ARHGAP8: variants seen among roughly 807,000 people sequenced by gnomAD.
The protein encoded by ARHGAP8 is Rho GTPase activating protein 8, also known as rho GTPase-activating protein 8.
A neutral mutation model predicts 46.1 loss-of-function variants in ARHGAP8; 62 were observed. That is an observed-to-expected ratio of 1.34 (90% CI 1.10 to 1.66). ARHGAP8 has a LOEUF of 1.66. Among genes scored for constraint, ARHGAP8 ranks in the 40% most tolerant of loss-of-function variants. The probability of loss-of-function intolerance (pLI) is 0.00; values close to 1 mark genes in which losing one functional copy is unlikely to be tolerated. For missense variants in ARHGAP8, 923 were observed against 568.4 expected, an observed-to-expected ratio of 1.62 and a Z score of -6.34; for synonymous variants, 375 against 243.1, an observed-to-expected ratio of 1.54 and a Z score of -5.05.
chr22:44,802,077 G>T lies in ARHGAP8; in HGVS notation c.80G>T (p.Gly27Val). ...VARHGILQVA[G>V]DDRFGRRVVT... Reference sequence around the variant, plus strand: ...GGCTCACCTGTGTCTGCTCCTCCAGGGGATGACCGCTTTGGAAGACGTGTT... The same window carrying T: ...GGCTCACCTGTGTCTGCTCCTCCAGTGGATGACCGCTTTGGAAGACGTGTT... Residue 27 changes from glycine to valine, a missense_variant and splice_region_variant, in exon 3 of 12, where the codon GGG becomes GTG. Physicochemically the swap from Gly to Val is moderately radical, Grantham distance 109. Coordinates refer to ENST00000356099, the MANE Select transcript of ARHGAP8 (RefSeq NM_181335.3). 6.2e-7 allele frequency: 1 copy of T among 1,614,124 alleles called. No homozygotes were observed. The highest frequency in any genetic ancestry group is 1.1e-5 in the South Asian group (1 of 91,078).
chr22:44,795,040 CAA>C (rs36122461), intron 2 of ARHGAP8, among the ~76,000 whole-genome samples: 46 of 111,796 alleles, frequency 4.1e-4, no homozygotes, highest in African/African-American at 1.3e-3. Flanking sequence ...AACTCTGTCT[CAA>C]AAAAAAAAAA....
In ARHGAP8 at chr22:44,808,418, A is replaced by C; in HGVS notation, c.279A>C (p.Ala93=). 2.5e-6 allele frequency: 4 copies of C among 1,614,192 alleles called. No homozygotes were observed. Among genetic ancestry groups the C allele is most frequent in the South Asian group, 1.1e-5 (1 of 91,088 alleles). The change falls in exon 4 of 12, where the codon GCA becomes GCC. Residue 93 remains alanine (A), a synonymous_variant. Coordinates refer to ENST00000356099, the MANE Select transcript of ARHGAP8 (RefSeq NM_181335.3). ...NKPSLGWLQS[A]YKEFDRKYKK... ...CTTCCCTGGGCTGGCTCCAGAGCGC[A>C]TACAAGGAGTTCGATAGGAAGTACG...
At chr22:44,857,932 C>G (rs1005975557) in intron 10 of ARHGAP8, among the ~76,000 whole-genome samples, 17 of 47,310 alleles carry the variant, frequency 3.6e-4, no homozygotes, top group Non-Finnish European at 7.5e-4. Flanking sequence ...AGCAGGTATT[C>G]TCAGAGGGAC....
chr22:44,758,370 C>T (rs1160245685), intron 1 of ARHGAP8, among the ~76,000 whole-genome samples: 1 of 152,028 alleles, frequency 6.6e-6, no homozygotes, highest in African/African-American at 2.4e-5. Context: ...TGCAGTGAGC[C>T]AAGATTGTGC....
At chr22:44,798,597 G>A (rs923929263) in intron 2 of ARHGAP8, among the ~76,000 whole-genome samples, 3 of 151,154 alleles carry the variant, frequency 2.0e-5, no homozygotes, top group African/African-American at 7.3e-5. Flanking sequence ...GGTGGACTGA[G>A]CGGCCCCACA....
intron 1 of ARHGAP8, chr22:44,777,279 G>A (rs1184697277): frequency 1.3e-5 from 2 of 151,932 alleles, no homozygotes; most frequent in African/African-American, 2.4e-5. Flanking sequence ...AGACCCTGGC[G>A]GCTGACTCCC....
At chr22:44,773,240 T>G (rs1025396308) in intron 1 of ARHGAP8, among the ~76,000 whole-genome samples, 5 of 152,218 alleles carry the variant, frequency 3.3e-5, no homozygotes, top group Admixed American at 1.3e-4. Context: ...TTATCTAGAT[T>G]GTTGAATGTA....
At chr22:44,830,332 T>G (rs1353345654) in intron 7 of ARHGAP8, among the ~76,000 whole-genome samples, 1 of 150,994 alleles carries the variant, frequency 6.6e-6, no homozygotes, top group Non-Finnish European at 1.5e-5. Context: ...CTGTTACTGT[T>G]TTTTATTTTT....
At chr22:44,793,292 C>T (rs534773035) in intron 2 of ARHGAP8, among the ~76,000 whole-genome samples, 1 of 152,030 alleles carries the variant, frequency 6.6e-6, no homozygotes, top group African/African-American at 2.4e-5. Flanking sequence ...GGTTCCAGGT[C>T]TGAGGACCAG....
chr22:44,799,441 T>C (rs1168164270), intron 2 of ARHGAP8, among the ~76,000 whole-genome samples: 1 of 151,900 alleles, frequency 6.6e-6, no homozygotes, highest in African/African-American at 2.4e-5. Context: ...GGAAGGGGTG[T>C]AGAGTCAGCA....
chr22:44,828,096 C>G (rs1293855930), intron 7 of ARHGAP8, among the ~76,000 whole-genome samples: 1 of 152,222 alleles, frequency 6.6e-6, no homozygotes, highest in African/African-American at 2.4e-5. Context: ...GATTCACCCT[C>G]GCCTTCCCTA....
At chr22:44,861,778 C>T (rs1474032716) in intron 11 of ARHGAP8, among the ~76,000 whole-genome samples, 1 of 152,134 alleles carries the variant, frequency 6.6e-6, no homozygotes, top group Non-Finnish European at 1.5e-5. Context: ...GTAATGACTC[C>T]CCCGTGCTGG....
chr22:44,791,747 T>G (rs1005581914), intron 2 of ARHGAP8, among the ~76,000 whole-genome samples: 1 of 152,024 alleles, frequency 6.6e-6, no homozygotes, highest in African/African-American at 2.4e-5. Context: ...CTTGAGAAAC[T>G]TAACCATATC....
chr22:44,860,270 C>A (rs2253586), intron 11 of ARHGAP8, among the ~76,000 whole-genome samples: 2 of 151,612 alleles, frequency 1.3e-5, no homozygotes, highest in Non-Finnish European at 1.5e-5. Context: ...ATCGTGGGTG[C>A]CTTAAAACAG....
At chr22:44,848,291 C>G (rs1048408935) in intron 9 of ARHGAP8, among the ~76,000 whole-genome samples, 2 of 152,204 alleles carry the variant, frequency 1.3e-5, no homozygotes, top group African/African-American at 4.8e-5. Flanking sequence ...GCCATTTTGC[C>G]TTTAGGGTCT....
At chr22:44,814,883 G>C (rs926608652) in intron 5 of ARHGAP8, 125 bp downstream of exon 5, 14 of 1,142,770 alleles carry the variant, frequency 1.2e-5, no homozygotes, top group Non-Finnish European at 1.7e-5. Flanking sequence ...TGTATCTGGG[G>C]CTCCCTACCC....
chr22:44,853,016 A>G (rs762276678), intron 10 of ARHGAP8, among the ~76,000 whole-genome samples: 5 of 152,124 alleles, frequency 3.3e-5, no homozygotes, highest in Non-Finnish European at 7.4e-5. Flanking sequence ...GTCAGCCAGG[A>G]TGGTCTCAAT....
intron 10 of ARHGAP8, among the ~76,000 whole-genome samples, chr22:44,859,043 A>C (rs1382712349): frequency 1.3e-5 from 2 of 151,818 alleles, no homozygotes; most frequent in Admixed American, 6.6e-5. Context: ...GCAGTGGGCC[A>C]GATCTAAGCC....
intron 7 of ARHGAP8, among the ~76,000 whole-genome samples, chr22:44,841,989 G>A (rs941054428): frequency 1.3e-5 from 2 of 152,200 alleles, no homozygotes; most frequent in Non-Finnish European, 2.9e-5. Flanking sequence ...GCCAAAATCT[G>A]CTTCTCATCC....
Sources: gnomAD v4.1 joint callset for allele counts (sites outside exome capture counted in the v4.1 genomes callset) on GRCh38, gnomAD v4.1.1 for gene constraint, MANE v1.5 for transcripts, NCBI Gene and HGNC (gene_info 2026-07-23, HGNC 2026-07-21) for gene names.